CHRNA5: variants seen among roughly 807,000 people sequenced by gnomAD.
CHRNA5 encodes the protein cholinergic receptor nicotinic alpha 5 subunit, also known as neuronal acetylcholine receptor subunit alpha-5.
CHRNA5 carries 28 observed loss-of-function variants against 41.2 expected under a neutral mutation model. That is an observed-to-expected ratio of 0.68 (90% CI 0.50 to 0.93). The LOEUF is 0.93. CHRNA5 is among the 40% of genes least tolerant of loss of function. The pLI is 0.00. For synonymous variants in CHRNA5, 188 were observed against 205.8 expected (o/e 0.91, Z 0.74); for missense variants, 481 against 581.9 (o/e 0.83, Z 1.78).
chr15:78,590,904 T>C (rs2053007110), intron 5 of CHRNA5: 1 of 416,384 alleles, frequency 2.4e-6, no homozygotes, highest in Admixed American at 4.2e-5. Flanking sequence ...TTTAGTGTTA[T>C]ATTCTAAGGA....
rs1488045653 is a variant in CHRNA5, at chr15:78,588,593, C to CTT, written c.413+171_413+172dup. On this transcript the variant is annotated intron_variant, in intron 4 of 5. Transcript: ENST00000299565. This position sits in a 1 kb window ranked among gnomAD's most constrained non-coding sequence, Gnocchi z 4.1. The stretch of plus-strand genomic sequence containing the variant: ...TGTTTTATAGATGAGGAAACAGAGG[C>CTT]TTAGGGTGGTTGTTCTTTTCCAAGA... Among the ~76,000 whole-genome samples, 2 of 152,060 alleles carry CTT rather than the reference C, an allele frequency of 1.3e-5. No individual in the cohort carries two copies. The highest frequency in any genetic ancestry group is 2.9e-5 in the Non-Finnish European group (2 of 68,020).
At chr15:78,571,835 TTAAAA>T (rs796524448) in intron 1 of CHRNA5, among the ~76,000 whole-genome samples, 14 of 152,322 alleles carry the variant, frequency 9.2e-5, no homozygotes, top group African/African-American at 3.1e-4. Flanking sequence ...TCTGTAATAC[TTAAAA>T]TAATGATTGG....
chr15:78,590,115 TACTC>T lies in CHRNA5; in HGVS notation c.726_729del (p.Ser243LeufsTer2). ...CTGTTGCTGGTATCCGTATGTCACT[TACTC>T]ATTTGTAATCAAGCGCCTGCCTCTC... On this transcript the variant is annotated frameshift_variant, in exon 5 of 6. Coordinates refer to ENST00000299565, the Ensembl canonical transcript of CHRNA5. LOFTEE classifies it high-confidence loss of function. 6.2e-7 allele frequency: 1 copy of T among 1,614,182 alleles called. No individual in the cohort carries two copies. The highest frequency in any genetic ancestry group is 8.5e-7 in the Non-Finnish European group (1 of 1,180,028).
chr15:78,581,714 C>T (rs1204454889), intron 2 of CHRNA5, among the ~76,000 whole-genome samples: 1 of 152,128 alleles, frequency 6.6e-6, no homozygotes, highest in Admixed American at 6.5e-5. Flanking sequence ...TAAAAAGTGA[C>T]TGTAATTCTA....
intron 4 of CHRNA5, chr15:78,589,435 T>C (rs2052989770): frequency 5.9e-6 from 1 of 169,062 alleles, no homozygotes; most frequent in Non-Finnish European, 1.2e-5. Flanking sequence ...AGAAGAGCAC[T>C]GTGGAGGGAG....
chr15:78,575,648 T>TA (rs1413796214), intron 1 of CHRNA5, among the ~76,000 whole-genome samples: 1 of 152,206 alleles, frequency 6.6e-6, no homozygotes, highest in Non-Finnish European at 1.5e-5. Flanking sequence ...GTCTATCAGT[T>TA]ACCATTACTT....
At chr15:78,574,737 T>C (rs1375664098) in intron 1 of CHRNA5, among the ~76,000 whole-genome samples, 1 of 152,056 alleles carries the variant, frequency 6.6e-6, no homozygotes, top group Non-Finnish European at 1.5e-5. Flanking sequence ...CCCAGCACTT[T>C]GGGAGGCCGA....
In CHRNA5 at chr15:78,593,146, ACTTTT is replaced by A. The variant is rs770154759; in HGVS notation, c.1307_1311del (p.Leu436ArgfsTer16). On this transcript the variant is annotated frameshift_variant, in exon 6 of 6. Coordinates refer to ENST00000299565, the Ensembl canonical transcript of CHRNA5. LOFTEE classifies it high-confidence loss of function. ...GGTTCTTGATCGGATGTTTCTGTGG[ACTTTT>A]CTTTTCGTTTCAATTGTTGGATCTC... The A allele has an allele frequency of 1.5e-4, 235 of 1,613,776 alleles. 1 individual carries two copies. The highest frequency in any genetic ancestry group is 4.2e-4 in the East Asian group (19 of 44,824).
chr15:78,586,945 CA>C (rs1289379416), intron 3 of CHRNA5, among the ~76,000 whole-genome samples: 2 of 152,068 alleles, frequency 1.3e-5, no homozygotes, highest in African/African-American at 4.8e-5. Context: ...ACAAAACAGA[CA>C]AAAAACCCTG....
chr15:78,572,181 T>C (rs901457713), intron 1 of CHRNA5, among the ~76,000 whole-genome samples: 1 of 152,174 alleles, frequency 6.6e-6, no homozygotes, highest in African/African-American at 2.4e-5. Context: ...AAGGAAGATA[T>C]TGGCAGCACC....
exon 5 of CHRNA5, chr15:78,590,535 A>G: frequency 6.2e-7 from 1 of 1,614,230 alleles, no homozygotes; most frequent in Non-Finnish European, 8.5e-7. Context: ...GGAAACTGAG[A>G]GTGGTAGTGG....
intron 2 of CHRNA5, among the ~76,000 whole-genome samples, chr15:78,581,990 G>T (rs1424737958): frequency 6.6e-6 from 1 of 152,136 alleles, no homozygotes; most frequent in Non-Finnish European, 1.5e-5. Context: ...TAACAATGAT[G>T]AATATATTTG....
intron 1 of CHRNA5, among the ~76,000 whole-genome samples, chr15:78,567,189 G>T (rs974408826): frequency 1.3e-5 from 2 of 151,272 alleles, no homozygotes; most frequent in Non-Finnish European, 2.9e-5. Context: ...AGAGGCGGAG[G>T]TTACAGTGAG....
intron 2 of CHRNA5, among the ~76,000 whole-genome samples, chr15:78,582,248 G>A (rs1446854189): frequency 6.6e-6 from 1 of 152,170 alleles, no homozygotes; most frequent in African/African-American, 2.4e-5. Flanking sequence ...CACTTTGGGA[G>A]GCCAAGGTGG....
chr15:78,575,866 G>A (rs1403105626), intron 1 of CHRNA5, among the ~76,000 whole-genome samples: 3 of 152,162 alleles, frequency 2.0e-5, no homozygotes, highest in Non-Finnish European at 4.4e-5. Context: ...TTTCATTGTG[G>A]TATTGATTTG....
At chr15:78,577,043 C>A (rs1315350685) in intron 1 of CHRNA5, among the ~76,000 whole-genome samples, 3 of 152,086 alleles carry the variant, frequency 2.0e-5, no homozygotes, top group Non-Finnish European at 4.4e-5. Flanking sequence ...GTTCCCAGTG[C>A]CTGTCTGATA....
chr15:78,571,576 G>A (rs1387974692), intron 1 of CHRNA5, among the ~76,000 whole-genome samples: 2 of 122,904 alleles, frequency 1.6e-5, no homozygotes, highest in Non-Finnish European at 3.2e-5. Flanking sequence ...ATGATGCTCT[G>A]CCTTTTTTTT....
At position 78,570,424 on chromosome 15, in the gene CHRNA5, A is replaced by ATTTTTTTTTTTTTTTTTTTTTTTT. The variant is rs71148540; in HGVS notation, c.106+4601_106+4624dup. ...CAGGCATGTGCCACCAATCCCGGCTATTTTTTTTTTTTTTTTTTTTTTTTT... is the reference window on the plus strand; with the variant it reads ...CAGGCATGTGCCACCAATCCCGGCTATTTTTTTTTTTTTTTTTTTTTTTTTTTTTTTTTTTTTTTTTTTTTTTTT... On this transcript the variant is annotated intron_variant, in intron 1 of 5. Coordinates refer to ENST00000299565, the Ensembl canonical transcript of CHRNA5. 3.6e-4 allele frequency among the ~76,000 whole-genome samples: 23 copies of ATTTTTTTTTTTTTTTTTTTTTTTT among 64,168 alleles called. 4 individuals are homozygous for ATTTTTTTTTTTTTTTTTTTTTTTT. The East Asian group carries it at 4.0e-3, about 11-fold the overall frequency. 42.1% of individuals were successfully genotyped at this position (64,168 alleles called of 152,430 possible). A position where few individuals can be genotyped will look rare whatever the true frequency, so the allele number is the denominator to read the frequency against.
At chr15:78,571,483 C>T (rs1031776649) in intron 1 of CHRNA5, among the ~76,000 whole-genome samples, 15 of 151,726 alleles carry the variant, frequency 9.9e-5, no homozygotes, top group African/African-American at 3.6e-4. Context: ...TGTAAATATA[C>T]TAGCTCATAA....
Sources: allele counts gnomAD v4.1 joint callset (sites outside exome capture counted in the v4.1 genomes callset), GRCh38; gene constraint gnomAD v4.1.1; non-coding constraint Gnocchi (gnomAD v3.1); transcripts MANE v1.5; gene names NCBI Gene and HGNC (gene_info 2026-07-23, HGNC 2026-07-21).